NEIL1: variants seen among roughly 807,000 people sequenced by gnomAD.
NEIL1 encodes the protein endonuclease 8-like 1.
NEIL1 carries 31 observed loss-of-function variants against 44.2 expected under a neutral mutation model. The observed-to-expected ratio is 0.70, with a 90% CI of 0.53 to 0.95. The LOEUF (loss-of-function observed/expected upper bound fraction) is 0.95, where lower values mean the gene tolerates loss of function less well. Among genes scored for constraint, NEIL1 ranks in the 40% least tolerant of loss-of-function variants. The pLI is 0.00. For missense variants in NEIL1, 549 were observed against 515.5 expected, an observed-to-expected ratio of 1.07 and a Z score of -0.63; for synonymous variants, 254 against 209.7, an observed-to-expected ratio of 1.21 and a Z score of -1.83.
chr15:75,347,793 G>A lies in NEIL1; in HGVS notation c.-23+320G>A, dbSNP rs1198322616. The stretch of plus-strand genomic sequence containing the variant: ...GAGGACAGGGTCGCAGCGGGGGCAT[G>A]GGGAGGACGGGCCCGAGAGCGCCGC... On this transcript the variant is annotated intron_variant, in intron 1 of 9. Transcript: ENST00000355059. 5 of 1,129,750 alleles carry A rather than the reference G, an allele frequency of 4.4e-6. No individual in the cohort carries two copies. The East Asian group carries it at 3.8e-4, about 86-fold the overall frequency. 70.0% of individuals were successfully genotyped at this position (1,129,750 alleles called of 1,614,324 possible). A position where few individuals can be genotyped will look rare whatever the true frequency, so the allele number is the denominator to read the frequency against.
At chr15:75,347,985 C>T in intron 1 of NEIL1, 1 of 1,226,972 alleles carries the variant, frequency 8.2e-7, no homozygotes, top group African/African-American at 1.6e-5. Context: ...GATTCCGAAC[C>T]GCCCGGGGAC....
In NEIL1 at chr15:75,354,975, C is replaced by A. The variant is rs774560712; in HGVS notation, c.1114C>A (p.Pro372Thr). 2 of 1,614,108 alleles carry A rather than the reference C, an allele frequency of 1.2e-6. No homozygotes were observed. Among genetic ancestry groups the A allele is most frequent in the East Asian group, 2.2e-5 (1 of 44,880 alleles). The change falls in exon 10 of 10, where the codon CCC (proline) becomes ACC (threonine). Residue 372 changes from proline to threonine, a missense_variant. Physicochemically the swap from Pro to Thr is conservative, Grantham distance 38. Transcript: ENST00000355059. The part of the protein sequence containing the change: ...GRQAASGHCR[P>T]RKVKADIPSL... ...TGTTCTTCCCCCAGGCCACTGCAGA[C>A]CCCGGAAGGTCAAGGCTGACATCCC...
Position 75,355,738 on chromosome 15 carries a change from T to TAC in NEIL1, c.*704_*705insAC. ...CTGGGAAGCCATCCCACCCCAGACT[T>TAC]CCCACCCCCACCCCAAGCGTGAGGA... On this transcript the variant is annotated 3_prime_UTR_variant, in exon 10 of 10. Transcript: ENST00000355059. 1.6e-6 allele frequency: 1 copy of TAC among 634,994 alleles called. No individual in the cohort carries two copies. Among genetic ancestry groups the TAC allele is most frequent in the Non-Finnish European group, 2.5e-6 (1 of 394,140 alleles). 39.3% of individuals were successfully genotyped at this position (634,994 alleles called of 1,614,324 possible).
intron 1 of NEIL1, chr15:75,347,945 C>T: frequency 8.0e-7 from 1 of 1,249,936 alleles, no homozygotes. Context: ...GCTAAGTGCC[C>T]CCTTCCACTT....
chr15:75,348,193 C>T (rs947005445), intron 1 of NEIL1: 1 of 715,822 alleles, frequency 1.4e-6, no homozygotes, highest in Non-Finnish European at 1.8e-6. Context: ...CCGCCTCGTC[C>T]TGGCCCCTGC....
Position 75,356,101 on chromosome 15 carries a change from G to A in NEIL1, c.*1067G>A, listed in dbSNP as rs1475116421. 18 of 1,613,760 alleles carry A rather than the reference G, an allele frequency of 1.1e-5. 1 individual carries two copies. The highest frequency in any genetic ancestry group is 5.5e-5 in the South Asian group (5 of 91,058). On this transcript the variant is annotated 3_prime_UTR_variant, in exon 10 of 10. Coordinates refer to ENST00000355059, the MANE Select transcript of NEIL1 (RefSeq NM_024608.4). The surrounding 1 kb of genome is among the most constrained non-coding windows in gnomAD (Gnocchi z 5.8). ...TCGACCCCCGCCCCAATCCCACACCGCCACTCACAGGATGGCCTCCTGAAC... is the reference window on the plus strand; with the variant it reads ...TCGACCCCCGCCCCAATCCCACACCACCACTCACAGGATGGCCTCCTGAAC...
Position 75,355,888 on chromosome 15 carries a change from A to G in NEIL1, c.*854A>G, listed in dbSNP as rs2072275739. 2 of 1,612,390 alleles carry G rather than the reference A, an allele frequency of 1.2e-6. No homozygotes were observed. The highest frequency in any genetic ancestry group is 1.1e-5 in the South Asian group (1 of 90,984). On this transcript the variant is annotated 3_prime_UTR_variant, in exon 10 of 10. Coordinates refer to ENST00000355059, the MANE Select transcript of NEIL1 (RefSeq NM_024608.4). The stretch of plus-strand genomic sequence containing the variant: ...AGTCCCCAGAGCCTTCTACAAACAA[A>G]ACCCCAGCCCCAGGGACTCAGTGTG...
chr15:75,353,250 C>CACACACACACAT (rs5813799), intron 5 of NEIL1: 1 of 251,490 alleles, frequency 4.0e-6, no homozygotes, highest in Non-Finnish European at 8.0e-6. Flanking sequence ...CACACACACA[C>CACACACACACAT]GCACGTTTAT....
Position 75,356,017 on chromosome 15 carries a change from C to T in NEIL1, c.*983C>T. On this transcript the variant is annotated 3_prime_UTR_variant, in exon 10 of 10. Transcript: ENST00000355059. The surrounding 1 kb of genome is among the most constrained non-coding windows in gnomAD (Gnocchi z 5.8). ...TCAAGTGGCCAGCAGGGTCTGGTCG[C>T]TCCAAGAGATCGCAGCTGGAGAACA... is the stretch of plus-strand genomic sequence containing the variant. 6.2e-7 allele frequency: 1 copy of T among 1,614,014 alleles called. No individual in the cohort carries two copies. The highest frequency in any genetic ancestry group is 8.5e-7 in the Non-Finnish European group (1 of 1,179,946).
At chr15:75,349,633 G>A (rs2071727403) in intron 2 of NEIL1, 1 of 382,926 alleles carries the variant, frequency 2.6e-6, no homozygotes, top group Admixed American at 4.1e-5. Context: ...GGCCAGTATG[G>A]TGAAACCCTG....
At chr15:75,351,088 T>C (rs971357485) in intron 2 of NEIL1, among the ~76,000 whole-genome samples, 1 of 152,054 alleles carries the variant, frequency 6.6e-6, no homozygotes, top group Non-Finnish European at 1.5e-5. Context: ...AGCCAGACAA[T>C]GTCCAGGATC....
In NEIL1 at chr15:75,356,069, G is replaced by A; in HGVS notation, c.*1035G>A. The A allele has an allele frequency of 1.2e-6, 2 of 1,613,552 alleles. No homozygotes were observed. Among genetic ancestry groups the A allele is most frequent in the Non-Finnish European group, 1.7e-6 (2 of 1,179,774 alleles). On this transcript the variant is annotated 3_prime_UTR_variant, in exon 10 of 10. Transcript: ENST00000355059. The surrounding 1 kb of genome is among the most constrained non-coding windows in gnomAD (Gnocchi z 5.8). ...GAGGGGCCATGAAGGCTCTGCGAGG[G>A]CGAGACTCGACCCCCGCCCCAATCC...
intron 2 of NEIL1, chr15:75,351,394 A>T: frequency 5.1e-6 from 2 of 388,518 alleles, no homozygotes. Context: ...TCTCACCTCA[A>T]CCTCCTGATT....
chr15:75,354,481 G>A lies in NEIL1; in HGVS notation c.925G>A (p.Asp309Asn). 6 of 1,614,204 alleles carry A rather than the reference G, an allele frequency of 3.7e-6. No homozygotes were observed. The highest frequency in any genetic ancestry group is 1.3e-5 in the African/African-American group (1 of 75,036). ...CAAGGCCACACAGCTGAGTCCTGAG[G>A]ACAGAGTGGAGGTATGGCTGCCTGC... Reference protein sequence around the residue: ...KSKATQLSPEDRVEDALPPSK... With the variant: ...KSKATQLSPENRVEDALPPSK... Residue 309 changes from aspartate (D) to asparagine (N), a missense_variant, in exon 8 of 10, where the codon GAC becomes AAC. Physicochemically the swap from Asp to Asn is conservative, Grantham distance 23. Coordinates refer to ENST00000355059, the MANE Select transcript of NEIL1 (RefSeq NM_024608.4).
intron 1 of NEIL1, chr15:75,348,307 A>C: frequency 5.1e-6 from 5 of 985,066 alleles, no homozygotes; most frequent in Non-Finnish European, 6.0e-6. Context: ...CCCCCGCGCC[A>C]GGCCGAGCTT....
At position 75,349,119 on chromosome 15, in the gene NEIL1, C is replaced by G; in HGVS notation, c.214C>G (p.Pro72Ala). 6.2e-7 allele frequency: 1 copy of G among 1,611,694 alleles called. No homozygotes were observed. The highest frequency in any genetic ancestry group is 8.5e-7 in the Non-Finnish European group (1 of 1,179,958). ...PLPGAQPQQEPLALVFRFGMS... is the reference protein window; with the variant it reads ...PLPGAQPQQEALALVFRFGMS... ...GCCTGGGGCCCAGCCCCAACAGGAG[C>G]CACTGGCCCTGGTCTTCCGCTTCGG... Residue 72 changes from proline to alanine, a missense_variant, in exon 2 of 10, where the codon CCA becomes GCA. Physicochemically the swap from Pro to Ala is conservative, Grantham distance 27. Transcript: ENST00000355059.
Position 75,354,690 on chromosome 15 carries a change from GA to G in NEIL1, c.976del (p.Arg326GlyfsTer87). The G allele has an allele frequency of 1.9e-6, 3 of 1,614,138 alleles. No individual in the cohort carries two copies. The highest frequency in any genetic ancestry group is 2.5e-6 in the Non-Finnish European group (3 of 1,180,034). On this transcript the variant is annotated frameshift_variant, in exon 9 of 10. Transcript: ENST00000355059. LOFTEE classifies it high-confidence loss of function. ...CCAAGCAAGGCCCCTTCCAGGACACGAAGGGCAAAGAGAGACCTTCCTAAGA... is the reference window on the plus strand; with the variant it reads ...CCAAGCAAGGCCCCTTCCAGGACACGAGGGCAAAGAGAGACCTTCCTAAGA... ...LPPSKAPSRT[R>X]RAKRDLPKRT...
At position 75,356,602 on chromosome 15, in the gene NEIL1, T is replaced by C; in HGVS notation, c.*1568T>C. On this transcript the variant is annotated 3_prime_UTR_variant, in exon 10 of 10. Coordinates refer to ENST00000355059, the MANE Select transcript of NEIL1 (RefSeq NM_024608.4). The surrounding 1 kb of genome is among the most constrained non-coding windows in gnomAD (Gnocchi z 5.8). The stretch of plus-strand genomic sequence containing the variant: ...AGGAAGGCCCCACCGTCCCCAGCAC[T>C]CACCCTTGTGCGGCATCAGTGCATA... 1 of 1,558,192 alleles carries C rather than the reference T, an allele frequency of 6.4e-7. No homozygotes were observed. The highest frequency in any genetic ancestry group is 2.4e-5 in the East Asian group (1 of 41,892).
At chr15:75,354,108 C>CT (rs2072153820) in intron 6 of NEIL1, 142 bp from the exon 7 acceptor site, 3 of 1,102,304 alleles carry the variant, frequency 2.7e-6, no homozygotes, top group Non-Finnish European at 4.0e-6. Flanking sequence ...GATGTGGACT[C>CT]TAACATGGGG....
Sources: allele counts gnomAD v4.1 joint callset (sites outside exome capture counted in the v4.1 genomes callset), GRCh38; gene constraint gnomAD v4.1.1; non-coding constraint Gnocchi (gnomAD v3.1); transcripts MANE v1.5; gene names NCBI Gene and HGNC (gene_info 2026-07-23, HGNC 2026-07-21).